The following ARHGAP24 variants were observed in gnomAD, a reference collection of about 807,000 sequenced individuals.
The protein encoded by ARHGAP24 is Rho GTPase activating protein 24.
In ARHGAP24, 50 loss-of-function variants were observed where a neutral mutation model predicts 76.4. The ratio of observed to expected loss-of-function variants is 0.65; its 90% CI spans 0.52 to 0.83. The LOEUF (loss-of-function observed/expected upper bound fraction) is 0.83. ARHGAP24 is among the 40% of genes least tolerant of loss of function. The pLI, the probability that ARHGAP24 is intolerant of heterozygous loss-of-function variation, is 0.00. For synonymous variants in ARHGAP24, 345 were observed against 323.3 expected (o/e 1.07, Z -0.72); for missense variants, 930 against 914.2 (o/e 1.02, Z -0.22).
intron 5 of ARHGAP24, among the ~76,000 whole-genome samples, chr4:85,966,573 T>C (rs1738621629): frequency 6.6e-6 from 1 of 152,158 alleles, no homozygotes; most frequent in South Asian, 2.1e-4. Flanking sequence ...ACCAGACTTT[T>C]TAAAGAGATG....
chr4:85,920,654 A>G (rs958923399), intron 3 of ARHGAP24, among the ~76,000 whole-genome samples: 21 of 152,240 alleles, frequency 1.4e-4, no homozygotes, highest in Non-Finnish European at 2.5e-4. Flanking sequence ...TCTAGCATCT[A>G]TGAGGAACTT....
intron 3 of ARHGAP24, among the ~76,000 whole-genome samples, chr4:85,832,228 G>A (rs868755527): frequency 2.6e-5 from 4 of 152,144 alleles, no homozygotes; most frequent in African/African-American, 9.7e-5. Flanking sequence ...GTATAATTCC[G>A]GTGGTCTCAG....
At chr4:85,788,221 C>T (rs1407771231) in intron 3 of ARHGAP24, among the ~76,000 whole-genome samples, 3 of 152,112 alleles carry the variant, frequency 2.0e-5, no homozygotes, top group Non-Finnish European at 4.4e-5. Flanking sequence ...TCTCTCTGTT[C>T]CTGACATCAG....
rs1400586784 is a variant in ARHGAP24 at position 85,942,240 on chromosome 4, C to G, written c.566C>G (p.Ala189Gly). ...AATCTTGTTAAGGAGCTCCAAGATG[C>G]CTTTGACTGTGGGGAGAAGCCATCA... ...QANLVKELQD[A>G]FDCGEKPSFD... The change falls in exon 5 of 10, where the codon GCC becomes GGC. Residue 189 changes from alanine to glycine, a missense_variant. Coordinates refer to ENST00000395184, the MANE Select transcript of ARHGAP24 (RefSeq NM_001025616.3). The G allele has an allele frequency of 6.2e-7, 1 of 1,614,008 alleles. No individual in the cohort carries two copies.
rs538286270 is a variant in ARHGAP24, at chr4:85,664,768, G to A, written c.181-57117G>A. On this transcript the variant is annotated intron_variant, in intron 2 of 9. Coordinates refer to ENST00000395184, the MANE Select transcript of ARHGAP24 (RefSeq NM_001025616.3). The stretch of plus-strand genomic sequence containing the variant: ...TTTATTTCTGCCTTCATTTCGTTAT[G>A]TACCCAGTAGTCATTCAGGAGCAGG... 7.2e-5 allele frequency among the ~76,000 whole-genome samples: 11 copies of A among 151,936 alleles called. No homozygotes were observed. In the South Asian group the frequency reaches 2.3e-3, roughly 32 times the overall value.
intron 2 of ARHGAP24, among the ~76,000 whole-genome samples, chr4:85,628,445 A>G (rs1436429606): frequency 6.6e-6 from 1 of 152,126 alleles, no homozygotes; most frequent in Non-Finnish European, 1.5e-5. Context: ...GAAAAAGAAT[A>G]TGTTGGTGTT....
At chr4:85,486,770 C>T (rs1723064897) in intron 1 of ARHGAP24, among the ~76,000 whole-genome samples, 1 of 152,224 alleles carries the variant, frequency 6.6e-6, no homozygotes, top group Non-Finnish European at 1.5e-5. Flanking sequence ...TTCAATGTAA[C>T]TAAACATTGC....
chr4:85,610,349 C>T (rs541436495), intron 2 of ARHGAP24, among the ~76,000 whole-genome samples: 20 of 137,834 alleles, frequency 1.5e-4, no homozygotes, highest in South Asian at 2.5e-4. Flanking sequence ...GAGGCTGAGG[C>T]GGGAGAATGG....
intron 2 of ARHGAP24, among the ~76,000 whole-genome samples, chr4:85,620,377 T>C (rs1316771307): frequency 6.6e-6 from 1 of 152,042 alleles, no homozygotes; most frequent in African/African-American, 2.4e-5. Flanking sequence ...GATTCAGTCT[T>C]GATAGGTTGT....
At chr4:85,591,081 G>C (rs1429131254) in intron 2 of ARHGAP24, among the ~76,000 whole-genome samples, 1 of 87,810 alleles carries the variant, frequency 1.1e-5, no homozygotes, top group Admixed American at 1.9e-4. Flanking sequence ...TTTTGCTCTT[G>C]TAGCCCAGGC....
Position 85,995,603 on chromosome 4 carries a change from G to T in ARHGAP24, c.1949G>T (p.Ser650Ile), listed in dbSNP as rs1258401821. Residue 650 changes from serine to isoleucine, a missense_variant, in exon 9 of 10, where the codon AGC (serine) becomes ATC (isoleucine). By Grantham distance (142) the Ser-to-Ile change is moderately radical. Coordinates refer to ENST00000395184, the MANE Select transcript of ARHGAP24 (RefSeq NM_001025616.3). ...AGTGCACTGCACAGTTTAGTTTCCA[G>T]CCTGAAACAGGAAATGACCAAACAG... ...NHSALHSLVS[S>I]LKQEMTKQKI... 3.7e-6 allele frequency: 6 copies of T among 1,613,834 alleles called. No homozygotes were observed. Among genetic ancestry groups the T allele is most frequent in the Non-Finnish European group, 5.1e-6 (6 of 1,179,978 alleles).
intron 3 of ARHGAP24, among the ~76,000 whole-genome samples, chr4:85,734,589 A>C (rs1725534121): frequency 6.7e-6 from 1 of 149,142 alleles, no homozygotes. Context: ...CAGGCAATTA[A>C]GGCTTCTGGA....
intron 2 of ARHGAP24, among the ~76,000 whole-genome samples, chr4:85,671,963 C>T (rs2110002340): frequency 6.6e-6 from 1 of 152,164 alleles, no homozygotes; most frequent in East Asian, 1.9e-4. Context: ...TCAATACATT[C>T]CATCGTTTTG....
At chr4:85,735,613 T>C (rs1725579406) in intron 3 of ARHGAP24, among the ~76,000 whole-genome samples, 1 of 152,184 alleles carries the variant, frequency 6.6e-6, no homozygotes, top group African/African-American at 2.4e-5. Context: ...TTAGTCACCA[T>C]TACTTGTTAG....
At chr4:85,632,765 G>A (rs991378489) in intron 2 of ARHGAP24, among the ~76,000 whole-genome samples, 16 of 152,014 alleles carry the variant, frequency 1.1e-4, no homozygotes, top group South Asian at 2.1e-4. Flanking sequence ...ATTACCTGCT[G>A]CTATATGTTT....
At chr4:85,904,762 A>G (rs1384344950) in intron 3 of ARHGAP24, among the ~76,000 whole-genome samples, 32 of 152,236 alleles carry the variant, frequency 2.1e-4, no homozygotes, top group Non-Finnish European at 1.0e-4. Context: ...AGAAAGCAAA[A>G]ATATGCAAAA....
intron 1 of ARHGAP24, among the ~76,000 whole-genome samples, chr4:85,519,754 T>G (rs117869678): frequency 0.01 from 1,554 of 152,262 alleles, 13 homozygotes; most frequent in East Asian, 0.018. Context: ...AAGGCACCAT[T>G]CCATGTGTTA....
At chr4:85,520,564 A>G (rs1227873822) in intron 1 of ARHGAP24, among the ~76,000 whole-genome samples, 1 of 152,076 alleles carries the variant, frequency 6.6e-6, no homozygotes, top group African/African-American at 2.4e-5. Flanking sequence ...GATGGGGGGA[A>G]GGAAATTTCC....
intron 3 of ARHGAP24, among the ~76,000 whole-genome samples, chr4:85,782,036 C>CAAAAAAAAAAA (rs11353046): frequency 1.1e-4 from 12 of 106,430 alleles, no homozygotes; most frequent in East Asian, 2.4e-4. Flanking sequence ...GATTCTATCT[C>CAAAAAAAAAAA]AAAAAAAAAA....
Sources: gnomAD v4.1 joint callset for allele counts (sites outside exome capture counted in the v4.1 genomes callset) on GRCh38, gnomAD v4.1.1 for gene constraint, MANE v1.5 for transcripts, NCBI Gene and HGNC (gene_info 2026-07-23, HGNC 2026-07-21) for gene names.